The following ALK variants were observed in gnomAD, a reference collection of about 807,000 sequenced individuals.
ALK encodes ALK receptor tyrosine kinase.
In ALK, 74 loss-of-function variants were observed where a neutral mutation model predicts 163.1. The ratio of observed to expected loss-of-function variants is 0.45; its 90% CI spans 0.38 to 0.55. The LOEUF (loss-of-function observed/expected upper bound fraction) is 0.55, where lower values mean the gene tolerates loss of function less well. ALK is among the 20% of genes least tolerant of loss of function. The probability of loss-of-function intolerance (pLI) is 0.00; values close to 1 mark genes in which losing one functional copy is unlikely to be tolerated. For synonymous variants in ALK, 960 were observed against 843.2 expected (o/e 1.14, Z -2.40); for missense variants, 2,063 against 2,105.3 (o/e 0.98, Z 0.39).
intron 5 of ALK, among the ~76,000 whole-genome samples, chr2:29,334,727 G>A (rs77852975): frequency 0.028 from 4,242 of 152,240 alleles, 217 homozygotes; most frequent in African/African-American, 0.097. Flanking sequence ...CTCCTTCCCC[G>A]AATGGAGATT....
At chr2:29,577,594 C>T (rs1674559996) in intron 3 of ALK, among the ~76,000 whole-genome samples, 1 of 152,066 alleles carries the variant, frequency 6.6e-6, no homozygotes, top group Admixed American at 6.5e-5. Context: ...AGGGCCCTGC[C>T]CCAGGGGATG....
At chr2:29,649,908 T>C (rs533131279) in intron 3 of ALK, among the ~76,000 whole-genome samples, 27 of 152,288 alleles carry the variant, frequency 1.8e-4, no homozygotes, top group South Asian at 4.1e-4. Flanking sequence ...TATCTTTTCA[T>C]GAACTCATGA....
intron 1 of ALK, among the ~76,000 whole-genome samples, chr2:29,825,389 C>T (rs1208170010): frequency 6.6e-6 from 1 of 152,070 alleles, no homozygotes; most frequent in African/African-American, 2.4e-5. Flanking sequence ...ATGGTTTGGT[C>T]CATGTCTTAA....
intron 1 of ALK, among the ~76,000 whole-genome samples, chr2:29,753,316 C>G (rs946665533): frequency 6.6e-6 from 1 of 152,200 alleles, no homozygotes; most frequent in African/African-American, 2.4e-5. Context: ...TTGAAGATTT[C>G]TCTGCCGGAG....
chr2:29,262,248 T>C (rs1407527428), intron 11 of ALK, among the ~76,000 whole-genome samples: 1 of 152,236 alleles, frequency 6.6e-6, no homozygotes, highest in Non-Finnish European at 1.5e-5. Flanking sequence ...CCTTCCCTCT[T>C]TCTACAACAC....
At chr2:29,570,082 C>T (rs75788896) in intron 3 of ALK, among the ~76,000 whole-genome samples, 27,309 of 152,192 alleles carry the variant, frequency 0.18, 2,611 homozygotes, top group South Asian at 0.23. Flanking sequence ...ACAACAGAGC[C>T]TCTGGGTAGA....
intron 1 of ALK, among the ~76,000 whole-genome samples, chr2:29,889,700 A>T (rs1206265235): frequency 4.1e-4 from 1 of 2,420 alleles, no homozygotes; most frequent in Non-Finnish European, 1.2e-3. Flanking sequence ...ATAGACAGAG[A>T]GAGAGAGAGA....
chr2:29,797,277 C>A (rs954346504), intron 1 of ALK, among the ~76,000 whole-genome samples: 13 of 152,164 alleles, frequency 8.5e-5, no homozygotes, highest in Non-Finnish European at 1.5e-5. Context: ...ACTCTGCTCT[C>A]CCACTTCCTT....
At chr2:29,523,116 C>G (rs1573426250) in intron 4 of ALK, among the ~76,000 whole-genome samples, 2 of 152,082 alleles carry the variant, frequency 1.3e-5, no homozygotes, top group Admixed American at 6.6e-5. Flanking sequence ...GATAAGGAAC[C>G]CCGGGCAGGA....
intron 28 of ALK, among the ~76,000 whole-genome samples, chr2:29,196,068 G>A (rs1317073749): frequency 6.6e-6 from 1 of 152,130 alleles, no homozygotes; most frequent in African/African-American, 2.4e-5. Flanking sequence ...GAAAATGAGG[G>A]AGAGAAGCAA....
chr2:29,602,345 G>T (rs1675402653), intron 3 of ALK, among the ~76,000 whole-genome samples: 2 of 152,076 alleles, frequency 1.3e-5, no homozygotes, highest in African/African-American at 4.8e-5. Flanking sequence ...GGCCTGGGGA[G>T]GACCCAAAAA....
intron 1 of ALK, among the ~76,000 whole-genome samples, chr2:29,795,425 G>A (rs563808615): frequency 4.6e-5 from 7 of 152,170 alleles, no homozygotes; most frequent in Admixed American, 1.3e-4. Flanking sequence ...AATATAGATC[G>A]CCTTTACAAT....
chr2:29,427,859 G>A (rs1177150961), intron 4 of ALK, among the ~76,000 whole-genome samples: 1 of 152,006 alleles, frequency 6.6e-6, no homozygotes, highest in Non-Finnish European at 1.5e-5. Context: ...CTTTCTCTGG[G>A]ATAGACCATA....
At chr2:29,202,017 T>A (rs924247415) in intron 26 of ALK, among the ~76,000 whole-genome samples, 4 of 152,166 alleles carry the variant, frequency 2.6e-5, no homozygotes, top group African/African-American at 7.2e-5. Context: ...CCATGGTGTT[T>A]AGAATAAAAT....
At chr2:29,507,722 A>C (rs1304753568) in intron 4 of ALK, among the ~76,000 whole-genome samples, 1 of 152,112 alleles carries the variant, frequency 6.6e-6, no homozygotes, top group African/African-American at 2.4e-5. Context: ...ACACAAACAA[A>C]TCTAGAGAAG....
At chr2:29,629,917 A>G (rs1259275826) in intron 3 of ALK, among the ~76,000 whole-genome samples, 1 of 152,194 alleles carries the variant, frequency 6.6e-6, no homozygotes, top group African/African-American at 2.4e-5. Flanking sequence ...ACATTCCTAG[A>G]TCTATAAAAT....
At chr2:29,318,724 G>A (rs918111758) in intron 7 of ALK, among the ~76,000 whole-genome samples, 11 of 152,046 alleles carry the variant, frequency 7.2e-5, no homozygotes, top group African/African-American at 2.7e-4. Flanking sequence ...CTGCCACCAC[G>A]CCCGGCTAAT....
intron 1 of ALK, chr2:29,892,192 A>T (rs561162977): frequency 2.0e-4 from 30 of 152,262 alleles, no homozygotes; most frequent in African/African-American, 5.3e-4. Context: ...CAGTTTCAAG[A>T]GGCTCTCAGA....
intron 1 of ALK, among the ~76,000 whole-genome samples, chr2:29,850,453 T>C (rs1665960682): frequency 6.6e-6 from 1 of 152,214 alleles, no homozygotes; most frequent in Admixed American, 6.5e-5. Context: ...CTATGATTGT[T>C]ATACTTCTAT....
Sources: gnomAD v4.1 joint callset for allele counts (sites outside exome capture counted in the v4.1 genomes callset) on GRCh38, gnomAD v4.1.1 for gene constraint, MANE v1.5 for transcripts, NCBI Gene and HGNC (gene_info 2026-07-23, HGNC 2026-07-21) for gene names.